ENAH: variants seen among roughly 807,000 people sequenced by gnomAD.
ENAH encodes protein enabled homolog.
In ENAH, 23 loss-of-function variants were observed where a neutral mutation model predicts 78.7. The observed-to-expected ratio is 0.29, with a 90% CI of 0.21 to 0.41. The LOEUF (loss-of-function observed/expected upper bound fraction) is 0.41. Among genes scored for constraint, ENAH ranks in the 10% least tolerant of loss-of-function variants. ENAH has a pLI of 1.00. For synonymous variants in ENAH, 226 were observed against 241.0 expected (o/e 0.94, Z 0.58); for missense variants, 544 against 691.0 (o/e 0.79, Z 2.39).
chr1:225,546,844 C>G (rs1026386074), intron 3 of ENAH, among the ~76,000 whole-genome samples: 1 of 152,178 alleles, frequency 6.6e-6, no homozygotes, highest in African/African-American at 2.4e-5. Flanking sequence ...ACATTGTGAA[C>G]TATTTAAAGC....
At chr1:225,523,617 T>G (rs2096485682) in intron 4 of ENAH, among the ~76,000 whole-genome samples, 1 of 152,114 alleles carries the variant, frequency 6.6e-6, no homozygotes, top group Admixed American at 6.6e-5. Context: ...TTAGCTTGCT[T>G]GCTGAAAAGA....
chr1:225,614,481 T>C (rs1163476666), intron 1 of ENAH, among the ~76,000 whole-genome samples: 1 of 152,218 alleles, frequency 6.6e-6, no homozygotes. Context: ...CCCCAATCGC[T>C]GCACTTGGAT....
At chr1:225,614,466 T>C (rs1575727120) in intron 1 of ENAH, among the ~76,000 whole-genome samples, 1 of 152,232 alleles carries the variant, frequency 6.6e-6, no homozygotes, top group African/African-American at 2.4e-5. Flanking sequence ...GTACCTGGGA[T>C]GTACCCCCAA....
intron 1 of ENAH, among the ~76,000 whole-genome samples, chr1:225,630,964 C>T (rs1024338745): frequency 6.6e-6 from 1 of 152,148 alleles, no homozygotes; most frequent in African/African-American, 2.4e-5. Flanking sequence ...TGAACACTAG[C>T]ATTTTATTGT....
chr1:225,635,383 G>A (rs78230651), intron 1 of ENAH, among the ~76,000 whole-genome samples: 6,342 of 152,178 alleles, frequency 0.042, 206 homozygotes, highest in South Asian at 0.1. Flanking sequence ...TTTATCGTAG[G>A]TGTATAGAAA....
At position 225,497,780 on chromosome 1, in the gene ENAH, C is replaced by T. The variant is rs114476062; in HGVS notation, c.1708G>A (p.Ala570Thr). Residue 570 changes from alanine to threonine, a missense_variant, in exon 14 of 14, where the codon GCA becomes ACA. Ala to Thr is a moderately conservative substitution (Grantham distance 58, BLOSUM62 0). Around this residue, in one of 4 missense-constraint regions of ENAH, gnomAD observed 97 missense variants for 124.4 expected, o/e 0.78. Coordinates refer to ENST00000366843, the MANE Select transcript of ENAH (RefSeq NM_018212.6). ...IRQELSKSNT[A>T] The stretch of plus-strand genomic sequence containing the variant: ...TCTCTCCTTAGTCTGTTCCTCTATG[C>T]AGTATTTGACTTGCTCAGTTCCTGC... 7.7e-4 allele frequency: 1,236 copies of T among 1,612,016 alleles called. 10 individuals are homozygous for T. In the African/African-American group the frequency reaches 0.014, roughly 19 times the overall value.
At chr1:225,595,727 G>C (rs78412635) in intron 1 of ENAH, among the ~76,000 whole-genome samples, 1 of 152,070 alleles carries the variant, frequency 6.6e-6, no homozygotes, top group East Asian at 1.9e-4. Context: ...TTATAGTATA[G>C]CTAAAAATAT....
intron 1 of ENAH, among the ~76,000 whole-genome samples, chr1:225,603,015 T>C (rs1575682856): frequency 6.6e-6 from 1 of 151,600 alleles, no homozygotes; most frequent in African/African-American, 2.4e-5. Context: ...TATTAAAACA[T>C]ACTATGAAGT....
intron 5 of ENAH, 43 bp from the exon 6 acceptor site, chr1:225,517,349 T>C: frequency 6.4e-7 from 1 of 1,550,840 alleles, no homozygotes; most frequent in African/African-American, 1.4e-5. Context: ...GATGAGGGAG[T>C]TGAGGCAATA....
chr1:225,565,312 G>A (rs1380938808), intron 2 of ENAH, among the ~76,000 whole-genome samples: 4 of 152,130 alleles, frequency 2.6e-5, no homozygotes, highest in African/African-American at 9.6e-5. Flanking sequence ...GCACATGCCT[G>A]TAATCCCAGC....
intron 3 of ENAH, among the ~76,000 whole-genome samples, chr1:225,540,315 A>G (rs1431153647): frequency 6.6e-6 from 1 of 152,166 alleles, no homozygotes; most frequent in African/African-American, 2.4e-5. Flanking sequence ...AGGAAACACA[A>G]TTTCACTCTC....
intron 4 of ENAH, among the ~76,000 whole-genome samples, chr1:225,528,513 A>G (rs937517465): frequency 9.2e-5 from 14 of 152,292 alleles, no homozygotes; most frequent in Non-Finnish European, 1.9e-4. Context: ...GGAGATGACA[A>G]GACAGGAGTG....
rs1287042038 is a variant in ENAH at position 225,497,662 on chromosome 1, C to A, written c.*113G>T. 4.8e-5 allele frequency: 51 copies of A among 1,057,914 alleles called. No individual in the cohort carries two copies. The highest frequency in any genetic ancestry group is 6.7e-5 in the Non-Finnish European group (49 of 733,304). 65.5% of individuals were successfully genotyped at this position (1,057,914 alleles called of 1,614,324 possible). On this transcript the variant is annotated 3_prime_UTR_variant, in exon 14 of 14. Coordinates refer to ENST00000366843, the MANE Select transcript of ENAH (RefSeq NM_018212.6). ...TTGGTTTTTCCCTCCTTCTGTTTGTCTCCATTTTCTTCTTACAGCTCATAA... is the reference window on the plus strand; with the variant it reads ...TTGGTTTTTCCCTCCTTCTGTTTGTATCCATTTTCTTCTTACAGCTCATAA...
chr1:225,524,792 G>A (rs1193977322), intron 4 of ENAH: 2 of 379,970 alleles, frequency 5.3e-6, no homozygotes, highest in Non-Finnish European at 7.2e-6. Flanking sequence ...GTTCTATGTG[G>A]AGACTAACAT....
At position 225,601,536 on chromosome 1, in the gene ENAH, A is replaced by G. The variant is rs539931290; in HGVS notation, c.6-34122T>C. Among the ~76,000 whole-genome samples, 14 of 152,140 alleles carry G rather than the reference A, an allele frequency of 9.2e-5. No homozygotes were observed. In the Middle Eastern group the frequency reaches 0.02, roughly 222 times the overall value. On this transcript the variant is annotated intron_variant, in intron 1 of 13. Coordinates refer to ENST00000366843, the MANE Select transcript of ENAH (RefSeq NM_018212.6). ...CCATCTCCCCGCCAAAAAAAAAAAAAAGAGAAGGTTCCAATTACAAAATAC... is the reference window on the plus strand; with the variant it reads ...CCATCTCCCCGCCAAAAAAAAAAAAGAGAGAAGGTTCCAATTACAAAATAC...
chr1:225,573,404 G>T (rs2096773188), intron 1 of ENAH, among the ~76,000 whole-genome samples: 2 of 151,992 alleles, frequency 1.3e-5, no homozygotes, highest in Admixed American at 1.3e-4. Flanking sequence ...CTTCCTCCGA[G>T]TTCTCAGAGT....
At chr1:225,560,351 G>A (rs1210443428) in intron 2 of ENAH, among the ~76,000 whole-genome samples, 1 of 151,784 alleles carries the variant, frequency 6.6e-6, no homozygotes, top group Non-Finnish European at 1.5e-5. Context: ...AATTAGCCAG[G>A]CATGGTGGCA....
At chr1:225,616,687 CAA>C (rs1268342081) in intron 1 of ENAH, among the ~76,000 whole-genome samples, 1 of 152,148 alleles carries the variant, frequency 6.6e-6, no homozygotes, top group African/African-American at 2.4e-5. Flanking sequence ...ATCAGAACTA[CAA>C]AGTCAATCTA....
chr1:225,623,965 T>C (rs1657480746), intron 1 of ENAH, among the ~76,000 whole-genome samples: 1 of 152,178 alleles, frequency 6.6e-6, no homozygotes, highest in Non-Finnish European at 1.5e-5. Context: ...GTTCCCATCT[T>C]TGTGTCTGTG....
Sources: allele counts gnomAD v4.1 joint callset (sites outside exome capture counted in the v4.1 genomes callset), GRCh38; gene constraint gnomAD v4.1.1; regional missense constraint gnomAD v4.1.1; transcripts MANE v1.5; gene names NCBI Gene and HGNC (gene_info 2026-07-23, HGNC 2026-07-21).